The following CTNNA3 variants were observed in gnomAD, a reference collection of about 807,000 sequenced individuals.
CTNNA3 encodes catenin alpha 3, also known as catenin alpha-3.
In CTNNA3, 76 loss-of-function variants were observed where a neutral mutation model predicts 95.7. That is an observed-to-expected ratio of 0.79 (90% CI 0.66 to 0.96). The LOEUF (loss-of-function observed/expected upper bound fraction) is 0.96. Ranked by LOEUF, CTNNA3 falls within the 40% of genes least tolerant of loss-of-function variation. The pLI is 0.00. For synonymous variants in CTNNA3, 431 were observed against 374.4 expected (o/e 1.15, Z -1.74); for missense variants, 1,191 against 1,089.8 (o/e 1.09, Z -1.31).
At chr10:65,925,726 T>A (rs1480932169) in intron 17 of CTNNA3, among the ~76,000 whole-genome samples, 3 of 152,116 alleles carry the variant, frequency 2.0e-5, no homozygotes, top group Non-Finnish European at 4.4e-5. Context: ...CATAAGTCAC[T>A]GCACTTGGCT....
chr10:67,629,066 T>G (rs1839053347), intron 2 of CTNNA3, among the ~76,000 whole-genome samples: 1 of 152,022 alleles, frequency 6.6e-6, no homozygotes, highest in African/African-American at 2.4e-5. Context: ...GAACAATAAT[T>G]AATTACATGG....
intron 17 of CTNNA3, among the ~76,000 whole-genome samples, chr10:65,928,132 T>C (rs1235433582): frequency 1.3e-5 from 2 of 152,194 alleles, no homozygotes; most frequent in African/African-American, 2.4e-5. Context: ...TATTTGAAGT[T>C]AGAGATTTAT....
intron 7 of CTNNA3, among the ~76,000 whole-genome samples, chr10:67,054,282 A>T (rs759405935): frequency 1.3e-5 from 2 of 152,178 alleles, no homozygotes; most frequent in South Asian, 4.1e-4. Context: ...ACCCCAGAAC[A>T]TCAGGAAGAA....
intron 15 of CTNNA3, among the ~76,000 whole-genome samples, chr10:66,004,185 G>A (rs563763985): frequency 1.1e-4 from 17 of 152,246 alleles, no homozygotes; most frequent in African/African-American, 3.6e-4. Flanking sequence ...ACTGAAATTC[G>A]ACGGGTACCT....
chr10:67,481,130 AAAT>A (rs911838582), intron 5 of CTNNA3, among the ~76,000 whole-genome samples: 4 of 152,220 alleles, frequency 2.6e-5, no homozygotes, highest in African/African-American at 9.6e-5. Flanking sequence ...AGAGACCTCA[AAAT>A]AATAAGAACC....
chr10:67,581,672 G>A (rs1386072472), intron 3 of CTNNA3, among the ~76,000 whole-genome samples: 1 of 152,210 alleles, frequency 6.6e-6, no homozygotes, highest in Non-Finnish European at 1.5e-5. Flanking sequence ...GAATTCGGCT[G>A]TGAATCTGCC....
At chr10:67,528,138 C>T (rs1179481098) in intron 4 of CTNNA3, among the ~76,000 whole-genome samples, 1 of 152,150 alleles carries the variant, frequency 6.6e-6, no homozygotes, top group East Asian at 1.9e-4. Context: ...GTAAAAAAGA[C>T]TGCATTGGCA....
intron 13 of CTNNA3, among the ~76,000 whole-genome samples, chr10:66,235,713 C>A (rs769622955): frequency 6.6e-6 from 1 of 151,840 alleles, no homozygotes; most frequent in Non-Finnish European, 1.5e-5. Flanking sequence ...TGAACATATC[C>A]GATATTGGAG....
chr10:67,540,586 T>C (rs1049542193), intron 3 of CTNNA3, among the ~76,000 whole-genome samples: 5 of 152,006 alleles, frequency 3.3e-5, no homozygotes, highest in African/African-American at 1.2e-4. Context: ...TATAGATACA[T>C]GTTTTATATA....
intron 3 of CTNNA3, among the ~76,000 whole-genome samples, chr10:67,542,919 T>A (rs1840727079): frequency 1.3e-5 from 2 of 152,198 alleles, no homozygotes; most frequent in Non-Finnish European, 2.9e-5. Flanking sequence ...TTAGCATCTA[T>A]GTTTTATAAA....
At chr10:66,628,125 C>T (rs1284667296) in intron 9 of CTNNA3, among the ~76,000 whole-genome samples, 2 of 151,934 alleles carry the variant, frequency 1.3e-5, no homozygotes, top group African/African-American at 2.4e-5. Flanking sequence ...AAAATATTTT[C>T]CCATCAAGTT....
At chr10:66,077,167 C>A (rs1361699344) in intron 14 of CTNNA3, among the ~76,000 whole-genome samples, 2 of 151,594 alleles carry the variant, frequency 1.3e-5, no homozygotes, top group Non-Finnish European at 3.0e-5. Context: ...ATATAAAATG[C>A]TATGATGTTT....
chr10:67,750,119 T>A lies in CTNNA3; in HGVS notation c.-2+13315A>T, dbSNP rs552513701. Among the ~76,000 whole-genome samples the A allele has an allele frequency of 1.2e-4, 19 of 152,214 alleles. No homozygotes were observed. In the East Asian group the frequency reaches 3.7e-3, roughly 29 times the overall value. On this transcript the variant is annotated intron_variant, in intron 1 of 17. Transcript: ENST00000684154. Reference sequence around the variant, plus strand: ...GAAACTCTGGACACATCTGAAGGAATAAACTCCAGACACACCATCTTTAAG... The same window carrying A: ...GAAACTCTGGACACATCTGAAGGAAAAAACTCCAGACACACCATCTTTAAG...
At chr10:66,977,239 C>T (rs1850093840) in intron 7 of CTNNA3, among the ~76,000 whole-genome samples, 1 of 152,034 alleles carries the variant, frequency 6.6e-6, no homozygotes, top group Middle Eastern at 3.4e-3. Flanking sequence ...GAGATTGAGA[C>T]CATACTGGCC....
intron 14 of CTNNA3, among the ~76,000 whole-genome samples, chr10:66,089,940 T>A (rs2081150186): frequency 6.6e-6 from 1 of 151,998 alleles, no homozygotes; most frequent in Non-Finnish European, 1.5e-5. Context: ...AAATCCTTTT[T>A]CCTTATAACA....
At chr10:65,934,410 G>A (rs917016527) in intron 17 of CTNNA3, among the ~76,000 whole-genome samples, 5 of 152,074 alleles carry the variant, frequency 3.3e-5, no homozygotes, top group African/African-American at 1.2e-4. Flanking sequence ...GTGGGCACTC[G>A]GTGTAGCACT....
At chr10:67,253,572 T>C (rs1270846452) in intron 5 of CTNNA3, among the ~76,000 whole-genome samples, 1 of 152,178 alleles carries the variant, frequency 6.6e-6, no homozygotes, top group Non-Finnish European at 1.5e-5. Flanking sequence ...TTCCCTCTCC[T>C]ACACTTAAGT....
At chr10:66,543,925 A>G (rs1380904880) in intron 10 of CTNNA3, among the ~76,000 whole-genome samples, 1 of 119,406 alleles carries the variant, frequency 8.4e-6, no homozygotes, top group Non-Finnish European at 1.7e-5. Context: ...ATATATATAT[A>G]TATATATATA....
intron 9 of CTNNA3, among the ~76,000 whole-genome samples, chr10:66,682,655 C>CTTCTAAAACTTATT (rs1847108270): frequency 2.7e-5 from 1 of 36,404 alleles, no homozygotes; most frequent in East Asian, 5.2e-4. Flanking sequence ...TTTTTTATTT[C>CTTCTAAAACTTATT]TGTTTTCTTT....
Sources: allele counts gnomAD v4.1 joint callset (sites outside exome capture counted in the v4.1 genomes callset), GRCh38; gene constraint gnomAD v4.1.1; transcripts MANE v1.5; gene names NCBI Gene and HGNC (gene_info 2026-07-23, HGNC 2026-07-21).